DLGAP2: variants seen among roughly 807,000 people sequenced by gnomAD.
DLGAP2 encodes DLG associated protein 2, also known as disks large-associated protein 2.
Under a neutral mutation model 100.3 loss-of-function variants are expected in DLGAP2, and 26 were observed. The ratio of observed to expected loss-of-function variants is 0.26; its 90% CI spans 0.19 to 0.36. The LOEUF (loss-of-function observed/expected upper bound fraction) is 0.36, where lower values mean the gene tolerates loss of function less well. Ranked by LOEUF, DLGAP2 falls within the 10% of genes least tolerant of loss-of-function variation. DLGAP2 has a pLI of 1.00. For synonymous variants in DLGAP2, 886 were observed against 630.1 expected, an observed-to-expected ratio of 1.41 and a Z score of -6.08; for missense variants, 1,858 against 1,453.2, an observed-to-expected ratio of 1.28 and a Z score of -4.53.
At chr8:797,669 C>A (rs1796063255) in intron 1 of DLGAP2, among the ~76,000 whole-genome samples, 1 of 152,220 alleles carries the variant, frequency 6.6e-6, no homozygotes, top group African/African-American at 2.4e-5. Context: ...CATACTCCCA[C>A]CAGGCAGGGC....
At chr8:1,203,481 G>A (rs1422909649) in intron 2 of DLGAP2, among the ~76,000 whole-genome samples, 1 of 152,160 alleles carries the variant, frequency 6.6e-6, no homozygotes, top group South Asian at 2.1e-4. Flanking sequence ...TGCCTTTTCT[G>A]CGTGTGCATT....
intron 2 of DLGAP2, among the ~76,000 whole-genome samples, chr8:1,060,246 A>G (rs2129034934): frequency 6.7e-6 from 1 of 149,924 alleles, no homozygotes; most frequent in East Asian, 1.9e-4. Context: ...GCAGTTCTGG[A>G]GGCCAGAAGC....
chr8:1,431,634 G>T (rs1207167721), intron 3 of DLGAP2, among the ~76,000 whole-genome samples: 1 of 150,242 alleles, frequency 6.7e-6, no homozygotes, highest in Non-Finnish European at 1.5e-5. Flanking sequence ...AGGCTCGCTG[G>T]CGTGGTGATG....
At chr8:1,363,998 C>G (rs1802047155) in intron 3 of DLGAP2, among the ~76,000 whole-genome samples, 1 of 152,202 alleles carries the variant, frequency 6.6e-6, no homozygotes, top group Non-Finnish European at 1.5e-5. Context: ...CATCCTCTGT[C>G]AGGTGCACCA....
At chr8:942,983 C>T (rs1010265733) in intron 2 of DLGAP2, among the ~76,000 whole-genome samples, 4 of 152,198 alleles carry the variant, frequency 2.6e-5, no homozygotes, top group African/African-American at 7.2e-5. Context: ...CGCTGCTCAT[C>T]GGAGCCTGGG....
intron 1 of DLGAP2, among the ~76,000 whole-genome samples, chr8:801,839 C>G (rs4735932): frequency 2.6e-5 from 4 of 151,990 alleles, no homozygotes; most frequent in African/African-American, 7.2e-5. Context: ...TGCTCGCCAC[C>G]CAGGTGGCTG....
rs549880056 is a variant in DLGAP2 at position 1,378,427 on chromosome 8, C to T, written c.106+119544C>T. ...TGACTTCGCCTGTCCGTCCTGCACACACCTGACCTCACCTGTCCATCCTGC... is the reference window on the plus strand; with the variant it reads ...TGACTTCGCCTGTCCGTCCTGCACATACCTGACCTCACCTGTCCATCCTGC... On this transcript the variant is annotated intron_variant, in intron 3 of 14. Coordinates refer to ENST00000637795, the MANE Select transcript of DLGAP2 (RefSeq NM_001346810.2). Among the ~76,000 whole-genome samples, 6 of 151,912 alleles carry T rather than the reference C, an allele frequency of 3.9e-5. No individual in the cohort carries two copies. In the East Asian group the frequency reaches 7.8e-4, roughly 20 times the overall value.
In DLGAP2 at chr8:1,549,659, C is replaced by G. The variant is rs762246548; in HGVS notation, c.1206C>G (p.Ala402=). 5.3e-5 allele frequency: 83 copies of G among 1,562,012 alleles called. No homozygotes were observed. Among genetic ancestry groups the G allele is most frequent in the Non-Finnish European group, 6.9e-5 (80 of 1,153,602 alleles). The change falls in exon 5 of 15, where the codon GCC becomes GCG. Residue 402 remains alanine, a synonymous_variant. Coordinates refer to ENST00000637795, the MANE Select transcript of DLGAP2 (RefSeq NM_001346810.2). ...KPLLHQDAKP[A]LRPCHYLQVP... ...TGCTGCACCAGGACGCCAAGCCCGC[C>G]CTGAGGCCGTGCCACTACCTCCAGG... is the stretch of plus-strand genomic sequence containing the variant.
chr8:1,510,034 A>G (rs888328929), intron 4 of DLGAP2, among the ~76,000 whole-genome samples: 9 of 152,218 alleles, frequency 5.9e-5, no homozygotes, highest in African/African-American at 1.7e-4. Context: ...ATTTATTTGC[A>G]TATTGCAGTA....
At chr8:1,260,571 C>T (rs548117381) in intron 3 of DLGAP2, among the ~76,000 whole-genome samples, 1 of 152,080 alleles carries the variant, frequency 6.6e-6, no homozygotes, top group African/African-American at 2.4e-5. Context: ...GCTGGTAAAT[C>T]ACCCCGGAGT....
At chr8:1,448,974 A>C (rs948687410) in intron 3 of DLGAP2, among the ~76,000 whole-genome samples, 2 of 152,170 alleles carry the variant, frequency 1.3e-5, no homozygotes, top group African/African-American at 4.8e-5. Context: ...GGTCACGCAA[A>C]GTCTGGTTTA....
At chr8:1,525,191 C>CTTTTT (rs56358216) in intron 4 of DLGAP2, among the ~76,000 whole-genome samples, 9 of 103,654 alleles carry the variant, frequency 8.7e-5, no homozygotes, top group African/African-American at 1.1e-4. Flanking sequence ...ACTCTGATGT[C>CTTTTT]TTTTTTTTTT....
At chr8:997,023 T>A (rs897286327) in intron 2 of DLGAP2, among the ~76,000 whole-genome samples, 32 of 152,336 alleles carry the variant, frequency 2.1e-4, no homozygotes, top group African/African-American at 7.7e-4. Flanking sequence ...AAGGCATTGA[T>A]TGCTGTGTTT....
Position 1,255,691 on chromosome 8 carries a change from G to A in DLGAP2, c.74-3160G>A, listed in dbSNP as rs372924975. Among the ~76,000 whole-genome samples, 203 of 127,210 alleles carry A rather than the reference G, an allele frequency of 1.6e-3. 3 individuals carry two copies. The highest frequency in any genetic ancestry group is 6.5e-3 in the African/African-American group (196 of 30,322). 83.5% of individuals were successfully genotyped at this position (127,210 alleles called of 152,430 possible). On this transcript the variant is annotated intron_variant, in intron 2 of 14. Transcript: ENST00000637795. ...CGTCTCCTGCCTGGGAGCTGTGTGT[G>A]TGTCCTCTTCTGCCTGGGAGCTGTG...
At chr8:1,573,899 A>G (rs1802858261) in intron 6 of DLGAP2, among the ~76,000 whole-genome samples, 1 of 152,112 alleles carries the variant, frequency 6.6e-6, no homozygotes, top group South Asian at 2.1e-4. Flanking sequence ...AATCTAACAG[A>G]CCCAGTGCAC....
rs148172547 is a variant in DLGAP2 at position 1,672,876 on chromosome 8, C to T, written c.2202+3092C>T. Among the ~76,000 whole-genome samples, 599 of 152,312 alleles carry T rather than the reference C, an allele frequency of 3.9e-3. 4 individuals are homozygous for T. The highest frequency in any genetic ancestry group is 0.014 in the African/African-American group (573 of 41,574). On this transcript the variant is annotated intron_variant, in intron 10 of 14. Coordinates refer to ENST00000637795, the MANE Select transcript of DLGAP2 (RefSeq NM_001346810.2). ...TATGTGTGAGGTGTTGAAGGAAGAG[C>T]GGAAAATGAGCTTGTTGGGAGAGCA... is the stretch of plus-strand genomic sequence containing the variant.
chr8:1,421,474 A>T (rs889155448), intron 3 of DLGAP2, among the ~76,000 whole-genome samples: 1 of 152,234 alleles, frequency 6.6e-6, no homozygotes, highest in African/African-American at 2.4e-5. Flanking sequence ...GAAAATGCAT[A>T]GAATCACTTT....
Position 1,444,299 on chromosome 8 carries a change from A to C in DLGAP2, c.107-57067A>C, listed in dbSNP as rs150156370. ...TGGCTGAAATATAATTTGCTTAACC[A>C]ACTCCATATTAATGGGCACTTACAC... is the stretch of plus-strand genomic sequence containing the variant. On this transcript the variant is annotated intron_variant, in intron 3 of 14. Transcript: ENST00000637795. Among the ~76,000 whole-genome samples the C allele has an allele frequency of 6.3e-3, 961 of 152,292 alleles. 9 individuals are homozygous for C. The highest frequency in any genetic ancestry group is 0.021 in the African/African-American group (887 of 41,544).
rs140572728 is a variant in DLGAP2, at chr8:1,019,882, C to T, written c.73+111916C>T. Among the ~76,000 whole-genome samples, 28 of 152,258 alleles carry T rather than the reference C, an allele frequency of 1.8e-4. No homozygotes were observed. The East Asian group carries it at 4.8e-3, about 26-fold the overall frequency. ...GGACAAAGTCAGGCAGCAGTGGTAGCGTTCCCTTCCGGGATGGCCTGTGTG... is the reference window on the plus strand; with the variant it reads ...GGACAAAGTCAGGCAGCAGTGGTAGTGTTCCCTTCCGGGATGGCCTGTGTG... On this transcript the variant is annotated intron_variant, in intron 2 of 14. Coordinates refer to ENST00000637795, the MANE Select transcript of DLGAP2 (RefSeq NM_001346810.2).
Sources: allele counts gnomAD v4.1 joint callset (sites outside exome capture counted in the v4.1 genomes callset), GRCh38; gene constraint gnomAD v4.1.1; transcripts MANE v1.5; gene names NCBI Gene and HGNC (gene_info 2026-07-23, HGNC 2026-07-21).